GRXCR1: variants seen among roughly 807,000 people sequenced by gnomAD.
GRXCR1 encodes the protein glutaredoxin domain-containing cysteine-rich protein 1.
In GRXCR1, 27 loss-of-function variants were observed where a neutral mutation model predicts 27.3. The ratio of observed to expected loss-of-function variants is 0.99; its 90% CI spans 0.73 to 1.37. GRXCR1 has a LOEUF of 1.37. Ranked by LOEUF, GRXCR1 falls within the 40% of genes most tolerant of loss-of-function variation. GRXCR1 has a pLI of 0.00. For synonymous variants in GRXCR1, 122 were observed against 131.1 expected (o/e 0.93, Z 0.47); for missense variants, 379 against 354.4 (o/e 1.07, Z -0.56).
intron 1 of GRXCR1, among the ~76,000 whole-genome samples, chr4:42,913,340 G>A (rs1042027799): frequency 2.6e-5 from 4 of 152,200 alleles, no homozygotes; most frequent in Non-Finnish European, 4.4e-5. Context: ...TGCTGATAGT[G>A]AGATTGACAA....
intron 3 of GRXCR1, among the ~76,000 whole-genome samples, chr4:43,027,206 C>T (rs1382939756): frequency 6.6e-6 from 1 of 152,144 alleles, no homozygotes; most frequent in Non-Finnish European, 1.5e-5. Flanking sequence ...AGGCAATGTG[C>T]TGTTCACCTC....
At chr4:42,986,227 T>A (rs922953038) in intron 2 of GRXCR1, among the ~76,000 whole-genome samples, 2 of 152,188 alleles carry the variant, frequency 1.3e-5, no homozygotes, top group Non-Finnish European at 2.9e-5. Flanking sequence ...TGGTGCTTAT[T>A]TTCTGGGTTA....
At chr4:42,975,116 A>G (rs1748482895) in intron 2 of GRXCR1, among the ~76,000 whole-genome samples, 2 of 152,146 alleles carry the variant, frequency 1.3e-5, no homozygotes, top group African/African-American at 4.8e-5. Context: ...ATTTTCCAAG[A>G]TAGATGGGAA....
rs1218727947 is a variant in GRXCR1, at chr4:42,940,493, T to C, written c.385-22399T>C. Among the ~76,000 whole-genome samples the C allele has an allele frequency of 4.6e-5, 7 of 152,156 alleles. No individual in the cohort carries two copies. In the East Asian group the frequency reaches 9.7e-4, roughly 21 times the overall value. On this transcript the variant is annotated intron_variant, in intron 1 of 3. Coordinates refer to ENST00000399770, the MANE Select transcript of GRXCR1 (RefSeq NM_001080476.3). ...AACAACTTTCAACCTCTTTACATGC[T>C]GGAGCTGAAACAAAAAATGCAAATT...
At chr4:42,896,214 C>T (rs140541137) in intron 1 of GRXCR1, among the ~76,000 whole-genome samples, 44 of 152,212 alleles carry the variant, frequency 2.9e-4, no homozygotes, top group Non-Finnish European at 4.0e-4. Context: ...TGGTATATGT[C>T]CTGCAAAAAT....
intron 3 of GRXCR1, among the ~76,000 whole-genome samples, chr4:43,022,497 G>A (rs1427762043): frequency 3.9e-5 from 6 of 152,128 alleles, no homozygotes; most frequent in Non-Finnish European, 7.4e-5. Flanking sequence ...CATAAATAAG[G>A]CACAAATACT....
chr4:43,003,507 T>C (rs1247897031), intron 2 of GRXCR1, among the ~76,000 whole-genome samples: 1 of 152,138 alleles, frequency 6.6e-6, no homozygotes, highest in Non-Finnish European at 1.5e-5. Flanking sequence ...ACTTGTTGAA[T>C]GGTTGTGATC....
intron 1 of GRXCR1, among the ~76,000 whole-genome samples, chr4:42,934,289 C>T (rs531658045): frequency 5.3e-5 from 8 of 149,930 alleles, no homozygotes; most frequent in East Asian, 2.0e-4. Flanking sequence ...TTAGCATATC[C>T]GAAGTACTGT....
chr4:42,946,647 C>A (rs1005612006), intron 1 of GRXCR1, among the ~76,000 whole-genome samples: 11 of 152,156 alleles, frequency 7.2e-5, no homozygotes, highest in African/African-American at 2.4e-4. Context: ...TAGATGGGAA[C>A]TTTTTGCTGT....
chr4:42,940,909 C>G lies in GRXCR1; in HGVS notation c.385-21983C>G, dbSNP rs574622384. ...ATAATGTTGCCATATAAAATATTTTCAAATATTACTTTTATTCTTCATTAA... is the reference window on the plus strand; with the variant it reads ...ATAATGTTGCCATATAAAATATTTTGAAATATTACTTTTATTCTTCATTAA... On this transcript the variant is annotated intron_variant, in intron 1 of 3. Coordinates refer to ENST00000399770, the MANE Select transcript of GRXCR1 (RefSeq NM_001080476.3). 2.6e-5 allele frequency among the ~76,000 whole-genome samples: 4 copies of G among 152,010 alleles called. No homozygotes were observed. In the South Asian group the frequency reaches 8.3e-4, roughly 32 times the overall value.
chr4:42,965,810 C>T (rs532401892), intron 2 of GRXCR1, among the ~76,000 whole-genome samples: 2 of 152,022 alleles, frequency 1.3e-5, no homozygotes, highest in South Asian at 4.1e-4. Flanking sequence ...TGGAGGCAGA[C>T]TGGGGGAGAT....
At chr4:42,965,888 TG>T (rs1320524013) in intron 2 of GRXCR1, among the ~76,000 whole-genome samples, 2 of 151,784 alleles carry the variant, frequency 1.3e-5, no homozygotes, top group African/African-American at 4.8e-5. Context: ...CAATCCAGGG[TG>T]GGGGGTGCCA....
intron 1 of GRXCR1, among the ~76,000 whole-genome samples, chr4:42,908,355 G>A (rs1746644431): frequency 6.6e-6 from 1 of 152,170 alleles, no homozygotes; most frequent in South Asian, 2.1e-4. Flanking sequence ...CATGCCAGAA[G>A]CTGCTTTTAA....
At chr4:42,894,520 G>T (rs1354908815) in intron 1 of GRXCR1, among the ~76,000 whole-genome samples, 2 of 151,980 alleles carry the variant, frequency 1.3e-5, no homozygotes, top group African/African-American at 4.8e-5. Context: ...TAAATAAAAT[G>T]ATCTCTTGTG....
At chr4:42,997,522 C>T (rs1019168567) in intron 2 of GRXCR1, among the ~76,000 whole-genome samples, 1 of 152,154 alleles carries the variant, frequency 6.6e-6, no homozygotes, top group Non-Finnish European at 1.5e-5. Flanking sequence ...ACTGCTCCTC[C>T]AGGGTCATCT....
At chr4:42,993,625 A>G (rs1712050153) in intron 2 of GRXCR1, among the ~76,000 whole-genome samples, 1 of 152,166 alleles carries the variant, frequency 6.6e-6, no homozygotes, top group Admixed American at 6.5e-5. Context: ...CTATTTTGTA[A>G]TAAACTCTTG....
At chr4:43,018,571 A>G (rs1713003760) in intron 2 of GRXCR1, among the ~76,000 whole-genome samples, 1 of 152,156 alleles carries the variant, frequency 6.6e-6, no homozygotes, top group Admixed American at 6.5e-5. Flanking sequence ...ACAACTGACT[A>G]AGACACAATG....
chr4:42,972,518 G>A (rs962519888), intron 2 of GRXCR1, among the ~76,000 whole-genome samples: 1 of 152,140 alleles, frequency 6.6e-6, no homozygotes, highest in Non-Finnish European at 1.5e-5. Context: ...TTGCTCCTCT[G>A]TCCCTTTTTC....
chr4:42,925,439 T>C (rs1043416624), intron 1 of GRXCR1, among the ~76,000 whole-genome samples: 1 of 152,042 alleles, frequency 6.6e-6, no homozygotes, highest in Non-Finnish European at 1.5e-5. Context: ...ATCAGGATCC[T>C]GAATCAAAGG....
Sources: gnomAD v4.1 joint callset for allele counts (sites outside exome capture counted in the v4.1 genomes callset) on GRCh38, gnomAD v4.1.1 for gene constraint, MANE v1.5 for transcripts, NCBI Gene and HGNC (gene_info 2026-07-23, HGNC 2026-07-21) for gene names.